The following DPYD variants were observed in gnomAD, a reference collection of about 807,000 sequenced individuals.
DPYD encodes dihydropyrimidine dehydrogenase, also known as dihydropyrimidine dehydrogenase [NADP(+)].
Under a neutral mutation model 116.2 loss-of-function variants are expected in DPYD, and 109 were observed. That is an observed-to-expected ratio of 0.94 (90% CI 0.80 to 1.10). The LOEUF (loss-of-function observed/expected upper bound fraction) is 1.10. Among genes scored for constraint, DPYD ranks in the 50% least tolerant of loss-of-function variants. The pLI, the probability that DPYD is intolerant of heterozygous loss-of-function variation, is 0.00. For synonymous variants in DPYD, 440 were observed against 432.0 expected, an observed-to-expected ratio of 1.02 and a Z score of -0.23; for missense variants, 1,302 against 1,254.5, an observed-to-expected ratio of 1.04 and a Z score of -0.57.
At chr1:97,769,871 T>C (rs550141594) in intron 3 of DPYD, among the ~76,000 whole-genome samples, 1 of 152,266 alleles carries the variant, frequency 6.6e-6, no homozygotes, top group South Asian at 2.1e-4. Flanking sequence ...TGGGAACAAA[T>C]CAGTGAACAA....
intron 21 of DPYD, among the ~76,000 whole-genome samples, chr1:97,087,825 G>A (rs946312253): frequency 6.6e-6 from 1 of 151,918 alleles, no homozygotes; most frequent in Non-Finnish European, 1.5e-5. Context: ...ATTCTTTATG[G>A]GATTCTAGAA....
At chr1:97,458,426 T>G (rs1021704409) in intron 13 of DPYD, among the ~76,000 whole-genome samples, 2 of 152,142 alleles carry the variant, frequency 1.3e-5, no homozygotes, top group African/African-American at 4.8e-5. Context: ...AAAAGATGCA[T>G]AGCTGTACTG....
chr1:97,608,308 C>T (rs1571051400), intron 8 of DPYD, among the ~76,000 whole-genome samples: 1 of 152,002 alleles, frequency 6.6e-6, no homozygotes, highest in Admixed American at 6.6e-5. Flanking sequence ...TTAAAAACTA[C>T]ATTTAGAAAA....
intron 3 of DPYD, among the ~76,000 whole-genome samples, chr1:97,755,048 T>C (rs1212779784): frequency 2.6e-5 from 4 of 152,176 alleles, no homozygotes; most frequent in African/African-American, 7.2e-5. Flanking sequence ...CTTGTTACTA[T>C]CCTACTGAAA....
intron 14 of DPYD, among the ~76,000 whole-genome samples, chr1:97,412,312 C>T (rs1042731926): frequency 6.6e-6 from 1 of 152,124 alleles, no homozygotes; most frequent in Non-Finnish European, 1.5e-5. Flanking sequence ...GCCTTTTTCT[C>T]ATTGTTCATA....
chr1:97,630,376 T>C (rs1188891785), intron 8 of DPYD, among the ~76,000 whole-genome samples: 1 of 152,014 alleles, frequency 6.6e-6, no homozygotes, highest in African/African-American at 2.4e-5. Context: ...TCTCTCAGTG[T>C]TTAATTTGGT....
At chr1:97,668,318 T>C (rs1179384869) in intron 8 of DPYD, among the ~76,000 whole-genome samples, 2 of 152,262 alleles carry the variant, frequency 1.3e-5, no homozygotes, top group South Asian at 2.1e-4. Context: ...ATCCAGGTTC[T>C]AGTACTTGAG....
chr1:97,279,732 A>T (rs1665185237), intron 18 of DPYD, among the ~76,000 whole-genome samples: 1 of 152,038 alleles, frequency 6.6e-6, no homozygotes, highest in Admixed American at 6.6e-5. Context: ...CTGGTCTCAA[A>T]CTCCTCACCT....
intron 1 of DPYD, among the ~76,000 whole-genome samples, chr1:97,910,880 T>C (rs556947542): frequency 5.3e-5 from 8 of 152,118 alleles, no homozygotes; most frequent in African/African-American, 7.2e-5. Flanking sequence ...AAATCTGTTA[T>C]ACTTCTACTT....
intron 3 of DPYD, 36 bp downstream of exon 3, chr1:97,828,078 A>C: frequency 6.3e-7 from 1 of 1,586,194 alleles, no homozygotes; most frequent in African/African-American, 1.3e-5. Context: ...TTTCTTTACC[A>C]CATCTGTGAC....
At chr1:97,864,217 A>G (rs1671258782) in intron 2 of DPYD, among the ~76,000 whole-genome samples, 1 of 152,000 alleles carries the variant, frequency 6.6e-6, no homozygotes, top group Non-Finnish European at 1.5e-5. Flanking sequence ...GGCACTTAAT[A>G]AGCCCTCAAC....
intron 4 of DPYD, among the ~76,000 whole-genome samples, chr1:97,730,670 A>G (rs1317977195): frequency 1.3e-5 from 2 of 152,120 alleles, no homozygotes; most frequent in African/African-American, 2.4e-5. Context: ...AAATAATTAT[A>G]AATGCAATAA....
At chr1:97,539,588 C>T (rs2811171) in intron 12 of DPYD, among the ~76,000 whole-genome samples, 19,982 of 151,878 alleles carry the variant, frequency 0.13, 1,526 homozygotes, top group African/African-American at 0.2. Context: ...GCTTTTTAAA[C>T]GTTGCATCTA....
At chr1:97,461,182 C>T (rs1307890661) in intron 13 of DPYD, among the ~76,000 whole-genome samples, 1 of 152,058 alleles carries the variant, frequency 6.6e-6, no homozygotes, top group Non-Finnish European at 1.5e-5. Context: ...CTTGTGCTGC[C>T]ACCTCCCCTC....
intron 1 of DPYD, among the ~76,000 whole-genome samples, chr1:97,896,344 G>A (rs1002225116): frequency 6.6e-6 from 1 of 151,718 alleles, no homozygotes; most frequent in East Asian, 1.9e-4. Flanking sequence ...AATTTAAAGT[G>A]AAAAAGAGAA....
At chr1:97,501,069 C>T (rs1242134530) in intron 13 of DPYD, among the ~76,000 whole-genome samples, 4 of 152,030 alleles carry the variant, frequency 2.6e-5, no homozygotes, top group Non-Finnish European at 5.9e-5. Context: ...TTCCAATACA[C>T]AACAGCGACC....
At chr1:97,820,346 G>T in intron 3 of DPYD, among the ~76,000 whole-genome samples, 1 of 152,040 alleles carries the variant, frequency 6.6e-6, no homozygotes, top group Non-Finnish European at 1.5e-5. Context: ...TAAATGTCTT[G>T]GTATCTCTTT....
intron 2 of DPYD, among the ~76,000 whole-genome samples, chr1:97,835,353 T>G (rs964298538): frequency 1.3e-5 from 2 of 152,082 alleles, no homozygotes; most frequent in African/African-American, 2.4e-5. Flanking sequence ...AATAAAAACA[T>G]GTATGTGAAA....
chr1:97,865,733 T>C (rs1283675699), intron 2 of DPYD, among the ~76,000 whole-genome samples: 1 of 151,988 alleles, frequency 6.6e-6, no homozygotes, highest in Non-Finnish European at 1.5e-5. Context: ...GGGCAGACCA[T>C]GAAGACTGAG....
Sources: gnomAD v4.1 joint callset for allele counts (sites outside exome capture counted in the v4.1 genomes callset) on GRCh38, gnomAD v4.1.1 for gene constraint, MANE v1.5 for transcripts, NCBI Gene and HGNC (gene_info 2026-07-23, HGNC 2026-07-21) for gene names.